The following MIPEP variants were observed in gnomAD, a reference collection of about 807,000 sequenced individuals.
MIPEP encodes the protein mitochondrial intermediate peptidase.
Under a neutral mutation model 90.3 loss-of-function variants are expected in MIPEP, and 79 were observed. The observed-to-expected ratio is 0.87, with a 90% CI of 0.73 to 1.05. MIPEP has a LOEUF of 1.05. Ranked by LOEUF, MIPEP falls within the 50% of genes least tolerant of loss-of-function variation. The pLI is 0.00. For synonymous variants in MIPEP, 334 were observed against 315.8 expected (o/e 1.06, Z -0.61); for missense variants, 940 against 905.6 (o/e 1.04, Z -0.49).
At chr13:23,865,358 T>C (rs2137508248) in intron 7 of MIPEP, among the ~76,000 whole-genome samples, 1 of 152,344 alleles carries the variant, frequency 6.6e-6, no homozygotes, top group African/African-American at 2.4e-5. Flanking sequence ...AAATAAATAA[T>C]GGTGGTTAAC....
chr13:23,825,019 A>G (rs1187264873), intron 14 of MIPEP, among the ~76,000 whole-genome samples: 1 of 152,196 alleles, frequency 6.6e-6, no homozygotes, highest in Non-Finnish European at 1.5e-5. Flanking sequence ...GTTTGCGTCC[A>G]TTATTAAATT....
chr13:23,863,823 G>T (rs1304544288), intron 8 of MIPEP, among the ~76,000 whole-genome samples: 1 of 152,156 alleles, frequency 6.6e-6, no homozygotes, highest in African/African-American at 2.4e-5. Context: ...ACTACTTTAT[G>T]AACTTGTCAT....
Position 23,751,860 on chromosome 13 carries a change from T to C in MIPEP, c.2044+4685A>G, listed in dbSNP as rs534841648. Among the ~76,000 whole-genome samples the C allele has an allele frequency of 3.9e-5, 6 of 152,096 alleles. No homozygotes were observed. The South Asian group carries it at 6.2e-4, about 16-fold the overall frequency. On this transcript the variant is annotated intron_variant, in intron 18 of 18. Coordinates refer to ENST00000382172, the MANE Select transcript of MIPEP (RefSeq NM_005932.4). ...AGCTCACAGGAAGAGGAAGATTTTA[T>C]TGTTGATCAGTGGATGTCAGGCAGG...
chr13:23,837,892 A>G (rs907836342), intron 12 of MIPEP, 136 bp from the exon 13 acceptor site: 6 of 624,072 alleles, frequency 9.6e-6, no homozygotes, highest in Non-Finnish European at 1.6e-5. Flanking sequence ...TATTCTATCT[A>G]TTTACATATA....
chr13:23,801,100 T>C (rs1358232602), intron 16 of MIPEP, among the ~76,000 whole-genome samples: 3 of 152,210 alleles, frequency 2.0e-5, no homozygotes, highest in Admixed American at 2.0e-4. Flanking sequence ...TCTCATTGTT[T>C]AATTTGGGGG....
intron 18 of MIPEP, among the ~76,000 whole-genome samples, chr13:23,753,056 C>T (rs535858461): frequency 3.9e-5 from 6 of 152,000 alleles, no homozygotes; most frequent in South Asian, 2.1e-4. Flanking sequence ...GGCAAAATCC[C>T]GTCTCTACTA....
At chr13:23,873,275 C>A (rs1356676920) in intron 5 of MIPEP, among the ~76,000 whole-genome samples, 1 of 152,198 alleles carries the variant, frequency 6.6e-6, no homozygotes, top group Non-Finnish European at 1.5e-5. Context: ...CGAGTGTGAG[C>A]TCTTTGTTAC....
chr13:23,826,037 A>C (rs185760904), intron 14 of MIPEP, among the ~76,000 whole-genome samples: 54 of 152,266 alleles, frequency 3.5e-4, no homozygotes, highest in Non-Finnish European at 6.2e-4. Context: ...GGTGATTAGT[A>C]ATGTAGCTGG....
intron 4 of MIPEP, among the ~76,000 whole-genome samples, chr13:23,877,461 A>G (rs2137530706): frequency 6.6e-6 from 1 of 152,298 alleles, no homozygotes; most frequent in East Asian, 1.9e-4. Context: ...GCATACATGA[A>G]AGCTCTTAAT....
At chr13:23,799,951 A>G (rs1194235229) in intron 16 of MIPEP, among the ~76,000 whole-genome samples, 1 of 152,194 alleles carries the variant, frequency 6.6e-6, no homozygotes, top group Non-Finnish European at 1.5e-5. Context: ...AAATACTTAG[A>G]GTGCTCAGAA....
chr13:23,800,905 C>T (rs945318023), intron 16 of MIPEP, among the ~76,000 whole-genome samples: 11 of 152,158 alleles, frequency 7.2e-5, no homozygotes, highest in African/African-American at 2.7e-4. Context: ...TTGTTTAAAC[C>T]AGTATTGCTC....
intron 14 of MIPEP, among the ~76,000 whole-genome samples, chr13:23,817,341 A>C (rs1009578339): frequency 6.6e-6 from 1 of 152,214 alleles, no homozygotes; most frequent in Non-Finnish European, 1.5e-5. Flanking sequence ...CACGTATGAC[A>C]GACAGCATAG....
chr13:23,820,114 A>G (rs1953288114), intron 14 of MIPEP, among the ~76,000 whole-genome samples: 1 of 152,220 alleles, frequency 6.6e-6, no homozygotes, highest in Non-Finnish European at 1.5e-5. Flanking sequence ...TCATTTAAAA[A>G]ATGGGTTAAG....
chr13:23,774,945 C>A (rs907369394), intron 16 of MIPEP, among the ~76,000 whole-genome samples: 3 of 151,916 alleles, frequency 2.0e-5, no homozygotes, highest in African/African-American at 7.3e-5. Context: ...CAGGTGCACA[C>A]CACCATGCCC....
chr13:23,818,831 G>A (rs554720301), intron 14 of MIPEP, among the ~76,000 whole-genome samples: 1 of 152,300 alleles, frequency 6.6e-6, no homozygotes, highest in East Asian at 1.9e-4. Flanking sequence ...TAACAGCGGA[G>A]AGGGAAATTC....
intron 13 of MIPEP, among the ~76,000 whole-genome samples, chr13:23,837,136 ACTT>A (rs1226669363): frequency 1.3e-5 from 2 of 152,192 alleles, no homozygotes; most frequent in Admixed American, 1.3e-4. Context: ...AATTAAAAGG[ACTT>A]CATCATACTT....
At chr13:23,780,443 A>G (rs1262860810) in intron 16 of MIPEP, among the ~76,000 whole-genome samples, 1 of 152,176 alleles carries the variant, frequency 6.6e-6, no homozygotes, top group Non-Finnish European at 1.5e-5. Flanking sequence ...CCACACCAAA[A>G]CCCCATCTGT....
chr13:23,777,221 G>T (rs1398703327), intron 16 of MIPEP, among the ~76,000 whole-genome samples: 1 of 152,182 alleles, frequency 6.6e-6, no homozygotes, highest in South Asian at 2.1e-4. Context: ...AAGTATTTGT[G>T]TTTCTCTAAC....
At chr13:23,752,383 G>A (rs1952451202) in intron 18 of MIPEP, among the ~76,000 whole-genome samples, 1 of 152,088 alleles carries the variant, frequency 6.6e-6, no homozygotes, top group African/African-American at 2.4e-5. Context: ...CTTCCTAGTG[G>A]GGGCAAAGTA....
Sources: allele counts gnomAD v4.1 joint callset (sites outside exome capture counted in the v4.1 genomes callset), GRCh38; gene constraint gnomAD v4.1.1; transcripts MANE v1.5; gene names NCBI Gene and HGNC (gene_info 2026-07-23, HGNC 2026-07-21).